The following ZNF578 variants were observed in gnomAD, a reference collection of about 807,000 sequenced individuals.
ZNF578 encodes the protein zinc finger protein 578, also known as Putative chemokine-related protein B42.
Under a neutral mutation model 8.3 loss-of-function variants are expected in ZNF578, and 8 were observed. The observed-to-expected ratio is 0.96, with a 90% CI of 0.56 to 1.74. The LOEUF is 1.74. Ranked by LOEUF, ZNF578 falls within the 40% of genes most tolerant of loss-of-function variation. The pLI, the probability that ZNF578 is intolerant of heterozygous loss-of-function variation, is 0.00. For synonymous variants in ZNF578, 206 were observed against 232.2 expected (o/e 0.89, Z 1.03); for missense variants, 726 against 707.5 (o/e 1.03, Z -0.30).
chr19:52,466,901 G>A (rs1194801157), intron 2 of ZNF578, among the ~76,000 whole-genome samples: 1 of 152,144 alleles, frequency 6.6e-6, no homozygotes, highest in Non-Finnish European at 1.5e-5. Context: ...GTTTGCATGT[G>A]TGTATACATA....
intron 2 of ZNF578, among the ~76,000 whole-genome samples, chr19:52,480,747 A>C (rs1306182990): frequency 2.6e-5 from 4 of 151,634 alleles, no homozygotes; most frequent in Non-Finnish European, 5.9e-5. Context: ...AATAACAAAA[A>C]TTAGCCGGGC....
chr19:52,500,855 C>A (rs1480660796), intron 3 of ZNF578, among the ~76,000 whole-genome samples: 2 of 147,974 alleles, frequency 1.4e-5, no homozygotes, highest in Non-Finnish European at 3.0e-5. Context: ...TTCCTCTGGT[C>A]CACATTGACT....
At chr19:52,488,497 T>C (rs2059353487) in intron 2 of ZNF578, among the ~76,000 whole-genome samples, 1 of 151,904 alleles carries the variant, frequency 6.6e-6, no homozygotes, top group Non-Finnish European at 1.5e-5. Context: ...TAGTCCCAGC[T>C]ACTCAGGAGG....
intron 2 of ZNF578, among the ~76,000 whole-genome samples, chr19:52,462,719 A>G (rs2059262709): frequency 2.1e-5 from 1 of 46,922 alleles, no homozygotes; most frequent in African/African-American, 5.1e-5. Flanking sequence ...TGAAATGTTC[A>G]TTTGAGCCAT....
At chr19:52,454,073 C>G (rs1192279684) in intron 1 of ZNF578, 1 of 152,248 alleles carries the variant, frequency 6.6e-6, no homozygotes. Context: ...TTGTGTTCCC[C>G]AGGTTTCCCC....
chr19:52,476,479 C>CTTTTCTATCTGT (rs1443650818), intron 2 of ZNF578, among the ~76,000 whole-genome samples: 2 of 152,152 alleles, frequency 1.3e-5, no homozygotes, highest in African/African-American at 4.8e-5. Flanking sequence ...TGTCCTAGCC[C>CTTTTCTATCTGT]TTTTCTATCT....
At chr19:52,473,123 G>C (rs141523162) in intron 2 of ZNF578, among the ~76,000 whole-genome samples, 1 of 152,264 alleles carries the variant, frequency 6.6e-6, no homozygotes, top group South Asian at 2.1e-4. Flanking sequence ...GATGTGGCAG[G>C]CCTCGACAAA....
intron 2 of ZNF578, chr19:52,457,274 A>T (rs1159432263): frequency 6.6e-6 from 1 of 152,140 alleles, no homozygotes; most frequent in African/African-American, 2.4e-5. Flanking sequence ...AAAACCCAAA[A>T]GGGCAAAGTT....
intron 5 of ZNF578, among the ~76,000 whole-genome samples, chr19:52,505,508 G>A (rs1481762232): frequency 1.3e-5 from 2 of 151,564 alleles, no homozygotes; most frequent in African/African-American, 4.8e-5. Flanking sequence ...TGTAAGCTCC[G>A]CCTCCCGGGT....
intron 5 of ZNF578, among the ~76,000 whole-genome samples, chr19:52,506,362 G>C (rs2059425613): frequency 6.6e-6 from 1 of 151,902 alleles, no homozygotes; most frequent in South Asian, 2.1e-4. Flanking sequence ...TGTAATCCCA[G>C]CACTTTGGAA....
chr19:52,503,125 T>A (rs1476073474), intron 4 of ZNF578, among the ~76,000 whole-genome samples: 1 of 152,182 alleles, frequency 6.6e-6, no homozygotes, highest in African/African-American at 2.4e-5. Flanking sequence ...CTCCTGACCT[T>A]GTGATCTGCC....
rs376553830 is a variant in ZNF578, at chr19:52,467,978, G to A, written c.-122+11020G>A. Among the ~76,000 whole-genome samples the A allele has an allele frequency of 9.7e-4, 147 of 151,952 alleles. 1 individual carries two copies. The South Asian group carries it at 0.023, about 24-fold the overall frequency. ...ACAATAAACCTAGTTTATACCTGCC[G>A]TGATCTTATGTGCATACTCATGCAT... On this transcript the variant is annotated intron_variant, in intron 2 of 5. Transcript: ENST00000421239.
At chr19:52,492,738 C>T (rs1175140699) in intron 3 of ZNF578, 3 of 152,254 alleles carry the variant, frequency 2.0e-5, no homozygotes, top group African/African-American at 7.2e-5. Context: ...CTCTCCGCCT[C>T]GCGCTCCGAC....
intron 2 of ZNF578, among the ~76,000 whole-genome samples, chr19:52,482,443 G>C (rs143988580): frequency 3.3e-5 from 5 of 152,024 alleles, no homozygotes; most frequent in Admixed American, 6.5e-5. Context: ...CGAGACCAGC[G>C]TGGCCAACAC....
Position 52,470,442 on chromosome 19 carries a change from G to A in ZNF578, c.-122+13484G>A, listed in dbSNP as rs940327442. 5.9e-5 allele frequency among the ~76,000 whole-genome samples: 9 copies of A among 152,314 alleles called. No homozygotes were observed. In the East Asian group the frequency reaches 1.7e-3, roughly 29 times the overall value. ...ATGTGTATGGGTGCCAAGTTGATGA[G>A]GGGTAGACTTGTGGTTAATCTTGGT... On this transcript the variant is annotated intron_variant, in intron 2 of 5. Coordinates refer to ENST00000421239, the MANE Select transcript of ZNF578 (RefSeq NM_001099694.2).
At chr19:52,476,645 A>G (rs1401051337) in intron 2 of ZNF578, among the ~76,000 whole-genome samples, 1 of 152,214 alleles carries the variant, frequency 6.6e-6, no homozygotes, top group Non-Finnish European at 1.5e-5. Context: ...TCTCAGCCCC[A>G]TAAATTGATA....
intron 3 of ZNF578, among the ~76,000 whole-genome samples, chr19:52,491,779 G>T (rs1193579146): frequency 6.6e-6 from 1 of 151,980 alleles, no homozygotes; most frequent in African/African-American, 2.4e-5. Context: ...AACGTACTGG[G>T]ACAACTAACT....
At chr19:52,487,136 C>CA (rs1255789959) in intron 2 of ZNF578, among the ~76,000 whole-genome samples, 1 of 151,826 alleles carries the variant, frequency 6.6e-6, no homozygotes, top group Non-Finnish European at 1.5e-5. Flanking sequence ...ATTTCGAGAC[C>CA]AGCCTGGGCA....
At chr19:52,469,360 A>G (rs908669395) in intron 2 of ZNF578, among the ~76,000 whole-genome samples, 5 of 151,834 alleles carry the variant, frequency 3.3e-5, no homozygotes, top group Non-Finnish European at 4.4e-5. Flanking sequence ...TGGTTTTGCC[A>G]TGCTTCCCAG....
Sources: allele counts gnomAD v4.1 joint callset (sites outside exome capture counted in the v4.1 genomes callset), GRCh38; gene constraint gnomAD v4.1.1; transcripts MANE v1.5; gene names NCBI Gene and HGNC (gene_info 2026-07-23, HGNC 2026-07-21).